The following PRDM5 variants were observed in gnomAD, a reference collection of about 807,000 sequenced individuals.
PRDM5 encodes PR/SET domain 5, also known as PR domain zinc finger protein 5.
A neutral mutation model predicts 81.2 loss-of-function variants in PRDM5; 56 were observed. The ratio of observed to expected loss-of-function variants is 0.69; its 90% CI spans 0.56 to 0.86. The LOEUF is 0.86. PRDM5 is among the 40% of genes least tolerant of loss of function. The probability of loss-of-function intolerance (pLI) is 0.00; values close to 1 mark genes in which losing one functional copy is unlikely to be tolerated. For synonymous variants in PRDM5, 267 were observed against 256.4 expected (o/e 1.04, Z -0.39); for missense variants, 697 against 770.1 (o/e 0.91, Z 1.12).
In PRDM5 at chr4:120,816,863, C is replaced by G; in HGVS notation, c.712G>C (p.Val238Leu). The change falls in exon 6 of 16, where the codon GTT (valine) becomes CTT (leucine). Residue 238 changes from valine to leucine, a missense_variant. Physicochemically the swap from Val to Leu is conservative, Grantham distance 32. Transcript: ENST00000264808. ...GCTGAACTGAAGGAAGAATTGCAAA[C>G]AGAGCACTGAAAACTTCGCGAAGAC... ...KESSRSFQCSVCNSSFSSASS... is the reference protein window; with the variant it reads ...KESSRSFQCSLCNSSFSSASS... 2.5e-6 allele frequency: 4 copies of G among 1,613,854 alleles called. No individual in the cohort carries two copies. The highest frequency in any genetic ancestry group is 3.4e-6 in the Non-Finnish European group (4 of 1,179,782).
chr4:120,855,179 A>G (rs1269089334), intron 2 of PRDM5, among the ~76,000 whole-genome samples: 1 of 152,220 alleles, frequency 6.6e-6, no homozygotes, highest in African/African-American at 2.4e-5. Flanking sequence ...GAAAGAATAC[A>G]GTCTGCCTGT....
At chr4:120,685,475 C>A (rs902789831) in intron 1 of PRDM5, among the ~76,000 whole-genome samples, 9 of 152,056 alleles carry the variant, frequency 5.9e-5, no homozygotes, top group Admixed American at 5.9e-4. Context: ...ATGCTTCTAT[C>A]ACTATAGTTA....
chr4:120,839,294 G>T (rs1166348847), intron 3 of PRDM5: 1 of 703,028 alleles, frequency 1.4e-6, no homozygotes, highest in Non-Finnish European at 2.6e-6. Context: ...GGAAAAATGA[G>T]GTATACAAAC....
chr4:120,811,289 G>A (rs1753797542), intron 8 of PRDM5, 81 bp downstream of exon 8: 2 of 876,894 alleles, frequency 2.3e-6, no homozygotes, highest in South Asian at 4.3e-5. Context: ...AAATAACTTG[G>A]TAACTTTTAT....
At chr4:120,783,249 T>G (rs1274738769) in intron 11 of PRDM5, among the ~76,000 whole-genome samples, 1 of 152,126 alleles carries the variant, frequency 6.6e-6, no homozygotes, top group Non-Finnish European at 1.5e-5. Flanking sequence ...AACTGATATC[T>G]AACTTTATTT....
At chr4:120,907,343 A>T in intron 2 of PRDM5, 131 bp downstream of exon 2, 1 of 861,522 alleles carries the variant, frequency 1.2e-6, no homozygotes, top group Admixed American at 2.5e-5. Flanking sequence ...TCAAAAAAAA[A>T]AAAAAAAACC....
At chr4:120,900,961 G>C (rs1487906234) in intron 2 of PRDM5, among the ~76,000 whole-genome samples, 3 of 152,116 alleles carry the variant, frequency 2.0e-5, no homozygotes, top group Non-Finnish European at 4.4e-5. Context: ...CTTAGAGACA[G>C]CTATTGTTAC....
chr4:120,819,064 T>G (rs1754925563), intron 4 of PRDM5, among the ~76,000 whole-genome samples: 1 of 152,216 alleles, frequency 6.6e-6, no homozygotes, highest in African/African-American at 2.4e-5. Flanking sequence ...AAATTACACA[T>G]TTGTTTCTGA....
rs115986068 is a variant in PRDM5, at chr4:120,788,256, T to G, written c.1189-3165A>C. 5.3e-5 allele frequency among the ~76,000 whole-genome samples: 8 copies of G among 152,282 alleles called. No individual in the cohort carries two copies. In the East Asian group the frequency reaches 1.5e-3, roughly 29 times the overall value. On this transcript the variant is annotated intron_variant, in intron 10 of 15. Coordinates refer to ENST00000264808, the MANE Select transcript of PRDM5 (RefSeq NM_018699.4). The stretch of plus-strand genomic sequence containing the variant: ...TGTAGTAGATATTATAATTCTATAT[T>G]TATTTTCTTAGATATGAAAAGTCAT...
chr4:120,904,189 C>CATAAAAAA (rs1765514086), intron 2 of PRDM5, among the ~76,000 whole-genome samples: 1 of 42,580 alleles, frequency 2.3e-5, no homozygotes, highest in East Asian at 9.1e-4. Flanking sequence ...GACTCCTTCT[C>CATAAAAAA]AAAAAAAAAA....
intron 2 of PRDM5, among the ~76,000 whole-genome samples, chr4:120,891,242 C>A (rs1410781518): frequency 1.3e-5 from 2 of 152,090 alleles, no homozygotes; most frequent in Non-Finnish European, 2.9e-5. Flanking sequence ...GATTCCATTT[C>A]TTCCTGGTTC....
chr4:120,894,064 T>C (rs1764354702), intron 2 of PRDM5, among the ~76,000 whole-genome samples: 1 of 152,196 alleles, frequency 6.6e-6, no homozygotes, highest in Admixed American at 6.5e-5. Context: ...CTTACCATGT[T>C]ACTATTTTCT....
chr4:120,755,366 T>C (rs1744582540), intron 13 of PRDM5, among the ~76,000 whole-genome samples: 2 of 152,202 alleles, frequency 1.3e-5, no homozygotes, highest in Admixed American at 1.3e-4. Context: ...CCAAATCATT[T>C]AGGATGGACA....
chr4:120,704,591 A>G (rs1001888405), intron 15 of PRDM5, among the ~76,000 whole-genome samples: 1 of 152,226 alleles, frequency 6.6e-6, no homozygotes, highest in Non-Finnish European at 1.5e-5. Context: ...ATCACATACA[A>G]TGTGCCTACC....
chr4:120,727,184 T>G (rs907590996), intron 14 of PRDM5, among the ~76,000 whole-genome samples: 8 of 152,136 alleles, frequency 5.3e-5, no homozygotes, highest in African/African-American at 1.7e-4. Flanking sequence ...TCCAGTAAAA[T>G]GTTCATTTTA....
At chr4:120,849,906 C>G (rs1277208224) in intron 3 of PRDM5, among the ~76,000 whole-genome samples, 1 of 152,072 alleles carries the variant, frequency 6.6e-6, no homozygotes, top group South Asian at 2.1e-4. Flanking sequence ...TAGTTGGAAA[C>G]TTTTCAGAAG....
chr4:120,854,101 T>C (rs975305135), intron 2 of PRDM5, among the ~76,000 whole-genome samples: 1 of 152,210 alleles, frequency 6.6e-6, no homozygotes, highest in African/African-American at 2.4e-5. Flanking sequence ...TATCCTTTCA[T>C]GGCCCACTCA....
At position 120,759,244 on chromosome 4, in the gene PRDM5, C is replaced by T. The variant is rs75567257; in HGVS notation, c.1538-4606G>A. ...GTAAGTTCAACTCCATTCCTTCATTCTATCCTAGAATGTACTCCAGCTTTA... is the reference window on the plus strand; with the variant it reads ...GTAAGTTCAACTCCATTCCTTCATTTTATCCTAGAATGTACTCCAGCTTTA... On this transcript the variant is annotated intron_variant, in intron 13 of 15. Transcript: ENST00000264808. Among the ~76,000 whole-genome samples, 360 of 152,362 alleles carry T rather than the reference C, an allele frequency of 2.4e-3. 1 individual carries two copies. Among genetic ancestry groups the T allele is most frequent in the African/African-American group, 8.4e-3 (348 of 41,590 alleles).
chr4:120,844,866 T>C (rs1338330581), intron 3 of PRDM5, among the ~76,000 whole-genome samples: 1 of 152,224 alleles, frequency 6.6e-6, no homozygotes, highest in Non-Finnish European at 1.5e-5. Context: ...GAAAAGTTCT[T>C]GAAAGAAATT....
Sources: allele counts gnomAD v4.1 joint callset (sites outside exome capture counted in the v4.1 genomes callset), GRCh38; gene constraint gnomAD v4.1.1; transcripts MANE v1.5; gene names NCBI Gene and HGNC (gene_info 2026-07-23, HGNC 2026-07-21).